Variants in NELL1 observed in about 807,000 individuals in gnomAD.
NELL1 encodes the protein neural EGFL like 1.
In NELL1, 76 loss-of-function variants were observed where a neutral mutation model predicts 107.4. The ratio of observed to expected loss-of-function variants is 0.71; its 90% confidence interval spans 0.59 to 0.86. NELL1 has a LOEUF of 0.86. NELL1 is among the 40% of genes least tolerant of loss of function. The pLI is 0.00. For missense variants in NELL1, 1,024 were observed against 1,005.5 expected, an observed-to-expected ratio of 1.02 and a Z score of -0.25; for synonymous variants, 353 against 341.2, an observed-to-expected ratio of 1.03 and a Z score of -0.38.
chr11:21,465,562 A>T (rs1000289190), intron 15 of NELL1, among the ~76,000 whole-genome samples: 1 of 152,028 alleles, frequency 6.6e-6, no homozygotes, highest in Non-Finnish European at 1.5e-5. Context: ...TCGTCACCTT[A>T]TAAAATTCTT....
intron 12 of NELL1, among the ~76,000 whole-genome samples, chr11:20,964,595 A>T (rs1049597310): frequency 3.3e-5 from 5 of 152,170 alleles, no homozygotes; most frequent in African/African-American, 1.2e-4. Flanking sequence ...TAAAAAGATG[A>T]TCCTCAACTC....
intron 12 of NELL1, among the ~76,000 whole-genome samples, chr11:20,970,724 A>G (rs987955999): frequency 2.6e-5 from 4 of 152,090 alleles, no homozygotes; most frequent in African/African-American, 9.7e-5. Context: ...TTGGTAGGAG[A>G]TGAGAGTAAA....
rs1857187814 is a variant in NELL1 at position 21,574,983 on chromosome 11, C to T, written c.2394C>T (p.Val798=). Residue 798 remains valine (V), a synonymous_variant, in exon 20 of 20, where the codon GTC becomes GTT. Transcript: ENST00000357134. The part of the protein sequence containing the change: ...CTTCKCKNGR[V]CCSVDFECLQ... ...TCTTTGATGTACAGAATGGAAGAGT[C>T]TGTTGTTCTGTGGATTTTGAGTGTC... The T allele has an allele frequency of 1.9e-6, 3 of 1,610,902 alleles. No homozygotes were observed. Among genetic ancestry groups the T allele is most frequent in the Non-Finnish European group, 2.5e-6 (3 of 1,178,060 alleles).
chr11:21,200,653 C>A (rs971243775), intron 13 of NELL1, among the ~76,000 whole-genome samples: 2 of 152,182 alleles, frequency 1.3e-5, no homozygotes, highest in African/African-American at 4.8e-5. Context: ...TCCCATTTGT[C>A]AACTTTGGCT....
chr11:20,876,268 T>C (rs575500551), intron 4 of NELL1, among the ~76,000 whole-genome samples: 1 of 152,282 alleles, frequency 6.6e-6, no homozygotes, highest in Admixed American at 6.5e-5. Context: ...ACAGTCTGTG[T>C]TTTCTGATAT....
intron 11 of NELL1, among the ~76,000 whole-genome samples, chr11:20,959,703 A>G (rs1022921346): frequency 6.6e-6 from 1 of 152,200 alleles, no homozygotes; most frequent in Non-Finnish European, 1.5e-5. Context: ...AAAGACTACA[A>G]ATTGGATGCA....
chr11:21,417,778 G>A (rs1248101524), intron 15 of NELL1, among the ~76,000 whole-genome samples: 1 of 151,926 alleles, frequency 6.6e-6, no homozygotes, highest in Non-Finnish European at 1.5e-5. Flanking sequence ...CTCCCTATGA[G>A]TCCCACTTCT....
chr11:21,201,191 G>T (rs1262411669), intron 13 of NELL1, among the ~76,000 whole-genome samples: 1 of 152,116 alleles, frequency 6.6e-6, no homozygotes, highest in African/African-American at 2.4e-5. Context: ...GCTTGATGGG[G>T]ATAGCACTGA....
At chr11:21,189,586 A>C (rs1311572907) in intron 13 of NELL1, among the ~76,000 whole-genome samples, 1 of 151,612 alleles carries the variant, frequency 6.6e-6, no homozygotes, top group Non-Finnish European at 1.5e-5. Context: ...ATATCTACTC[A>C]GTTTGTTGAG....
intron 13 of NELL1, among the ~76,000 whole-genome samples, chr11:21,211,625 A>G (rs1340986626): frequency 6.6e-6 from 1 of 152,176 alleles, no homozygotes; most frequent in African/African-American, 2.4e-5. Flanking sequence ...AGCTATAGCA[A>G]TAGCCCAAGT....
At chr11:20,968,727 C>G (rs142550627) in intron 12 of NELL1, among the ~76,000 whole-genome samples, 1 of 152,166 alleles carries the variant, frequency 6.6e-6, no homozygotes, top group Non-Finnish European at 1.5e-5. Flanking sequence ...CAGCTTAACA[C>G]GTGGCTCCCC....
intron 13 of NELL1, among the ~76,000 whole-genome samples, chr11:21,222,027 A>C (rs1189956474): frequency 6.6e-6 from 1 of 151,886 alleles, no homozygotes; most frequent in Non-Finnish European, 1.5e-5. Flanking sequence ...CTGTAGTATT[A>C]GTTGTAATGT....
At chr11:20,683,694 T>A (rs115252943) in intron 2 of NELL1, among the ~76,000 whole-genome samples, 310 of 152,290 alleles carry the variant, frequency 2.0e-3, no homozygotes, top group African/African-American at 7.2e-3. Flanking sequence ...ATTTTGTACA[T>A]CTGCAAAAGT....
intron 15 of NELL1, among the ~76,000 whole-genome samples, chr11:21,419,989 A>C (rs2133820607): frequency 6.6e-6 from 1 of 152,104 alleles, no homozygotes; most frequent in South Asian, 2.1e-4. Context: ...AGTTCATCTT[A>C]TCTGCCTCTG....
chr11:21,334,584 C>G (rs550085947), intron 14 of NELL1, among the ~76,000 whole-genome samples: 1 of 152,056 alleles, frequency 6.6e-6, no homozygotes, highest in East Asian at 1.9e-4. Flanking sequence ...CTAAGTCCCT[C>G]TCTCTTTCTT....
chr11:20,953,217 T>A (rs1191029784), intron 11 of NELL1, among the ~76,000 whole-genome samples: 1 of 152,094 alleles, frequency 6.6e-6, no homozygotes, highest in Non-Finnish European at 1.5e-5. Context: ...GTTCTAAGAT[T>A]TTAGAATAGA....
intron 4 of NELL1, among the ~76,000 whole-genome samples, chr11:20,871,222 C>A (rs988988362): frequency 2.6e-5 from 4 of 152,146 alleles, no homozygotes; most frequent in African/African-American, 7.2e-5. Flanking sequence ...TTGACTGAAA[C>A]CAAGTGGAAC....
rs141748157 is a variant in NELL1, at chr11:21,287,648, G to C, written c.1549+58194G>C. Among the ~76,000 whole-genome samples the C allele has an allele frequency of 4.3e-3, 655 of 152,132 alleles. 8 individuals are homozygous for C. The highest frequency in any genetic ancestry group is 0.015 in the African/African-American group (621 of 41,506). On this transcript the variant is annotated intron_variant, in intron 14 of 19. Coordinates refer to ENST00000357134, the MANE Select transcript of NELL1 (RefSeq NM_006157.5). The stretch of plus-strand genomic sequence containing the variant: ...AGATCAGGCCTTTGTATACAGTCTT[G>C]GTTCCTTTCTTCTTCATTAGATGAA...
At chr11:20,915,684 G>T (rs1470772107) in intron 5 of NELL1, among the ~76,000 whole-genome samples, 2 of 66,440 alleles carry the variant, frequency 3.0e-5, no homozygotes, top group East Asian at 1.0e-3. Flanking sequence ...TTTCATCTGT[G>T]GAAATCCTCA....
Sources: gnomAD v4.1 joint callset for allele counts (sites outside exome capture counted in the v4.1 genomes callset) on GRCh38, gnomAD v4.1.1 for gene constraint, MANE v1.5 for transcripts, NCBI Gene and HGNC (gene_info 2026-07-23, HGNC 2026-07-21) for gene names.